The following SAMD8 variants were observed in gnomAD, a reference collection of about 807,000 sequenced individuals.
SAMD8 encodes the protein sterile alpha motif domain containing 8, also known as sphingomyelin synthase-related protein 1.
Under a neutral mutation model 42.0 loss-of-function variants are expected in SAMD8, and 20 were observed. The ratio of observed to expected loss-of-function variants is 0.48; its 90% confidence interval spans 0.34 to 0.69. The LOEUF is 0.69. Among genes scored for constraint, SAMD8 ranks in the 30% least tolerant of loss-of-function variants. SAMD8 has a pLI of 0.01. For missense variants in SAMD8, 328 were observed against 511.6 expected (o/e 0.64, Z 3.46); for synonymous variants, 162 against 173.0 (o/e 0.94, Z 0.50).
At chr10:75,129,197 T>C (rs551906057) in intron 1 of SAMD8, among the ~76,000 whole-genome samples, 119 of 151,918 alleles carry the variant, frequency 7.8e-4, no homozygotes, top group African/African-American at 2.8e-3. Flanking sequence ...AATAGCTCAC[T>C]ATAGCCTGGA....
At chr10:75,160,615 C>A (rs1361515198) in intron 2 of SAMD8, among the ~76,000 whole-genome samples, 4 of 152,138 alleles carry the variant, frequency 2.6e-5, no homozygotes, top group Non-Finnish European at 5.9e-5. Context: ...AGGTTCCTCA[C>A]AACAGTCCAC....
At chr10:75,108,161 G>C (rs773413112), upstream of SAMD8, 2 of 1,612,472 alleles carry the variant, frequency 1.2e-6, no homozygotes, top group East Asian at 2.2e-5. Context: ...CGTTCAGCAC[G>C]TGGGTGATGC....
chr10:75,162,310 G>A (rs1840575184), intron 2 of SAMD8, among the ~76,000 whole-genome samples: 1 of 152,220 alleles, frequency 6.6e-6, no homozygotes, highest in Non-Finnish European at 1.5e-5. Flanking sequence ...AATGAGCCAA[G>A]ATTGCATCAT....
At chr10:75,118,442 G>C (rs181067948) in intron 1 of SAMD8, among the ~76,000 whole-genome samples, 38 of 152,272 alleles carry the variant, frequency 2.5e-4, no homozygotes, top group African/African-American at 8.9e-4. Flanking sequence ...ATCAGAGTTC[G>C]AGACCAGCCT....
chr10:75,141,842 G>A (rs905120078), intron 1 of SAMD8, among the ~76,000 whole-genome samples: 1 of 151,268 alleles, frequency 6.6e-6, no homozygotes, highest in African/African-American at 2.4e-5. Flanking sequence ...CGCCTGGCCT[G>A]CCTTTTGCTT....
Position 75,176,811 on chromosome 10 carries a change from T to C in SAMD8, c.*119T>C, listed in dbSNP as rs1157920110. ...TGGCTTATGTGTTGACAAAGTAAAG[T>C]TTTCTGTTCTGAGCAAAGTTATGAT... On this transcript the variant is annotated 3_prime_UTR_variant, in exon 6 of 6. Coordinates refer to ENST00000542569, the MANE Select transcript of SAMD8 (RefSeq NM_001174156.2). This position sits in a 1 kb window ranked among gnomAD's most constrained non-coding sequence, Gnocchi z 4.3. 3.2e-5 allele frequency: 23 copies of C among 717,454 alleles called. No individual in the cohort carries two copies. Among genetic ancestry groups the C allele is most frequent in the Non-Finnish European group, 6.7e-6 (3 of 445,490 alleles). The allele number at this position is 717,454 out of a possible 1,614,324, so 44.4% of individuals were successfully genotyped here.
intron 1 of SAMD8, among the ~76,000 whole-genome samples, chr10:75,146,272 C>CTTTTTTTTTT (rs202162176): frequency 7.3e-5 from 5 of 68,144 alleles, no homozygotes; most frequent in African/African-American, 3.5e-4. Flanking sequence ...TGTCTTGACA[C>CTTTTTTTTTT]TTTTTTTTTT....
intron 1 of SAMD8, among the ~76,000 whole-genome samples, chr10:75,112,987 T>C (rs1234897902): frequency 6.6e-6 from 1 of 152,138 alleles, no homozygotes; most frequent in African/African-American, 2.4e-5. Context: ...CTCTTGAAAA[T>C]TGGAGAGGTA....
intron 4 of SAMD8, among the ~76,000 whole-genome samples, chr10:75,168,912 C>A (rs973845065): frequency 6.6e-6 from 1 of 152,104 alleles, no homozygotes; most frequent in Non-Finnish European, 1.5e-5. Flanking sequence ...GTGGCTCATG[C>A]CTGTAATCCC....
chr10:75,153,064 C>T (rs112075014), intron 2 of SAMD8, among the ~76,000 whole-genome samples: 52 of 152,190 alleles, frequency 3.4e-4, no homozygotes, highest in African/African-American at 1.2e-3. Context: ...TCACTGCAAC[C>T]TCCGCCTCCT....
intron 3 of SAMD8, among the ~76,000 whole-genome samples, chr10:75,165,977 C>CAAAAA (rs56839743): frequency 2.6e-4 from 16 of 62,418 alleles, no homozygotes; most frequent in South Asian, 1.0e-3. Context: ...ACCCTGTCTC[C>CAAAAA]AAAAAAAAAA....
chr10:75,111,525 G>T (rs1436769286), upstream of SAMD8: 2 of 1,231,270 alleles, frequency 1.6e-6, no homozygotes, highest in Non-Finnish European at 2.0e-6. Flanking sequence ...AGCTGCCGGC[G>T]CGGCGGTGAC....
intron 3 of SAMD8, 33 bp downstream of exon 3, chr10:75,164,773 G>A (rs757202275): frequency 9.8e-6 from 14 of 1,427,066 alleles, no homozygotes; most frequent in South Asian, 1.2e-5. Context: ...GACTGAAAAT[G>A]TTTTGACTCC....
intron 1 of SAMD8, among the ~76,000 whole-genome samples, chr10:75,102,751 G>C (rs1021350120): frequency 3.3e-5 from 5 of 152,140 alleles, no homozygotes; most frequent in Non-Finnish European, 5.9e-5. Context: ...TCGGGAGTTC[G>C]AGACCAGCCT....
At chr10:75,138,965 T>TA (rs1839956310) in intron 1 of SAMD8, among the ~76,000 whole-genome samples, 1 of 96,498 alleles carries the variant, frequency 1.0e-5, no homozygotes, top group Non-Finnish European at 2.1e-5. Context: ...TTTCTTTTTT[T>TA]TTTTTTTTTT....
intron 1 of SAMD8, among the ~76,000 whole-genome samples, chr10:75,141,132 C>T (rs1169467502): frequency 6.6e-6 from 1 of 152,062 alleles, no homozygotes; most frequent in South Asian, 2.1e-4. Flanking sequence ...CTCCTGAGCT[C>T]AGGAGTTCGA....
intron 4 of SAMD8, among the ~76,000 whole-genome samples, chr10:75,175,217 A>T (rs566835465): frequency 6.6e-6 from 1 of 152,348 alleles, no homozygotes; most frequent in East Asian, 1.9e-4. Flanking sequence ...ATCTTATTGT[A>T]CAGAACTTAG....
At chr10:75,142,984 T>A (rs1840055448) in intron 1 of SAMD8, among the ~76,000 whole-genome samples, 1 of 152,188 alleles carries the variant, frequency 6.6e-6, no homozygotes, top group South Asian at 2.1e-4. Context: ...TTAAAAACTT[T>A]CTGTGCTTCC....
chr10:75,136,134 A>G (rs1182420338), intron 1 of SAMD8, among the ~76,000 whole-genome samples: 3 of 148,262 alleles, frequency 2.0e-5, no homozygotes, highest in Non-Finnish European at 3.0e-5. Flanking sequence ...CTTTTTCTTT[A>G]ATTTGTAGTA....
Sources: gnomAD v4.1 joint callset for allele counts (sites outside exome capture counted in the v4.1 genomes callset) on GRCh38, gnomAD v4.1.1 for gene constraint, Gnocchi (gnomAD v3.1) non-coding constraint, MANE v1.5 for transcripts, NCBI Gene and HGNC (gene_info 2026-07-23, HGNC 2026-07-21) for gene names.